The following DCDC1 variants were observed in gnomAD, a reference collection of about 807,000 sequenced individuals.
DCDC1 encodes the protein doublecortin domain-containing protein 1.
Under a neutral mutation model 178.3 loss-of-function variants are expected in DCDC1, and 200 were observed. That is an observed-to-expected ratio of 1.12 (90% confidence interval 1.00 to 1.26). The LOEUF is 1.26. DCDC1 is among the 50% of genes most tolerant of loss of function. The pLI is 0.00. For synonymous variants in DCDC1, 690 were observed against 604.8 expected, an observed-to-expected ratio of 1.14 and a Z score of -2.07; for missense variants, 1,983 against 1,749.2, an observed-to-expected ratio of 1.13 and a Z score of -2.38.
chr11:31,075,435 A>G (rs1956809269), intron 18 of DCDC1, among the ~76,000 whole-genome samples: 1 of 152,070 alleles, frequency 6.6e-6, no homozygotes. Context: ...ATGAAATGGT[A>G]GTTCTATCTT....
At chr11:31,083,552 C>T (rs1957311335) in intron 17 of DCDC1, among the ~76,000 whole-genome samples, 1 of 152,166 alleles carries the variant, frequency 6.6e-6, no homozygotes, top group Non-Finnish European at 1.5e-5. Flanking sequence ...AAGGGGACAT[C>T]ACCACTCAGT....
chr11:31,217,221 G>T (rs1194123161), intron 9 of DCDC1, among the ~76,000 whole-genome samples: 1 of 152,100 alleles, frequency 6.6e-6, no homozygotes, highest in Non-Finnish European at 1.5e-5. Flanking sequence ...GGAAGAAGCA[G>T]GTGCAATGTC....
chr11:31,358,328 G>A (rs1951507419), intron 1 of DCDC1, among the ~76,000 whole-genome samples: 1 of 152,172 alleles, frequency 6.6e-6, no homozygotes, highest in Non-Finnish European at 1.5e-5. Flanking sequence ...AGGAAAACAA[G>A]CAATGGGGAA....
At chr11:30,902,168 T>G (rs1944728778) in intron 32 of DCDC1, among the ~76,000 whole-genome samples, 1 of 152,128 alleles carries the variant, frequency 6.6e-6, no homozygotes, top group South Asian at 2.1e-4. Flanking sequence ...AATGATATTA[T>G]GAGAGATAGA....
intron 16 of DCDC1, among the ~76,000 whole-genome samples, chr11:31,093,306 A>G (rs2135679296): frequency 6.6e-6 from 1 of 152,368 alleles, no homozygotes; most frequent in Admixed American, 6.5e-5. Flanking sequence ...TTGCGAAAAT[A>G]GTGTCAATCT....
intron 20 of DCDC1, among the ~76,000 whole-genome samples, chr11:30,960,834 A>T (rs1055630644): frequency 6.6e-6 from 1 of 152,156 alleles, no homozygotes. Flanking sequence ...AATTTTATTT[A>T]TTTAATATAA....
At chr11:31,196,175 T>C (rs142380919) in intron 9 of DCDC1, among the ~76,000 whole-genome samples, 29 of 152,122 alleles carry the variant, frequency 1.9e-4, no homozygotes, top group African/African-American at 6.3e-4. Flanking sequence ...CTCACAGTTG[T>C]TGTAGTTTGC....
chr11:31,330,098 G>T (rs1949885090), intron 2 of DCDC1, among the ~76,000 whole-genome samples: 1 of 152,096 alleles, frequency 6.6e-6, no homozygotes, highest in East Asian at 1.9e-4. Context: ...CATTCTAACT[G>T]GTGTGAGATG....
rs193201349 is a variant in DCDC1, at chr11:30,955,974, G to A, written c.2592-3406C>T. On this transcript the variant is annotated intron_variant, in intron 20 of 38. Transcript: ENST00000684477. Reference sequence around the variant, plus strand: ...ATGATCAGATCACAATGTGGTTTGGGGAGCAGTACGGATATACTAGGGAGT... The same window carrying A: ...ATGATCAGATCACAATGTGGTTTGGAGAGCAGTACGGATATACTAGGGAGT... Among the ~76,000 whole-genome samples the A allele has an allele frequency of 3.2e-3, 493 of 152,290 alleles. 1 individual carries two copies. Among genetic ancestry groups the A allele is most frequent in the Non-Finnish European group, 5.1e-3 (345 of 68,030 alleles).
At chr11:31,225,088 T>C (rs778152472) in intron 9 of DCDC1, among the ~76,000 whole-genome samples, 1 of 152,028 alleles carries the variant, frequency 6.6e-6, no homozygotes, top group Non-Finnish European at 1.5e-5. Context: ...CAAGTCACAA[T>C]TGCAAAAATA....
intron 38 of DCDC1, among the ~76,000 whole-genome samples, chr11:30,873,387 A>AGAGAGAG (rs1565008354): frequency 6.7e-6 from 1 of 150,256 alleles, no homozygotes. Flanking sequence ...AGAGAGAGAG[A>AGAGAGAG]ACAAACTGGT....
At chr11:31,074,213 G>A (rs777977399) in intron 18 of DCDC1, among the ~76,000 whole-genome samples, 18 of 152,132 alleles carry the variant, frequency 1.2e-4, no homozygotes, top group Non-Finnish European at 1.9e-4. Context: ...ACTGGACATC[G>A]AAGAAGTCAC....
intron 17 of DCDC1, among the ~76,000 whole-genome samples, chr11:31,082,420 G>A: frequency 6.6e-6 from 1 of 152,012 alleles, no homozygotes; most frequent in East Asian, 1.9e-4. Flanking sequence ...TGACTTCCAA[G>A]TGTTCTCATT....
chr11:31,286,621 C>T (rs756020128), intron 7 of DCDC1, among the ~76,000 whole-genome samples: 2 of 151,806 alleles, frequency 1.3e-5, no homozygotes, highest in Non-Finnish European at 2.9e-5. Flanking sequence ...AATGATTTAG[C>T]AGACCAGAAA....
chr11:31,017,465 T>C (rs1952556193), intron 20 of DCDC1, among the ~76,000 whole-genome samples: 1 of 152,148 alleles, frequency 6.6e-6, no homozygotes, highest in Admixed American at 6.5e-5. Flanking sequence ...ATACAAATTA[T>C]GTGTTAATCA....
intron 1 of DCDC1, among the ~76,000 whole-genome samples, chr11:31,360,076 C>T (rs1951629244): frequency 1.3e-5 from 2 of 152,176 alleles, no homozygotes; most frequent in East Asian, 1.9e-4. Flanking sequence ...GTATTTAGGT[C>T]TGCCTCCTGA....
At position 30,905,065 on chromosome 11, in the gene DCDC1, T is replaced by A; in HGVS notation, c.4204A>T (p.Ser1402Cys). 1 of 1,613,836 alleles carries A rather than the reference T, an allele frequency of 6.2e-7. No individual in the cohort carries two copies. Among genetic ancestry groups the A allele is most frequent in the South Asian group, 1.1e-5 (1 of 91,080 alleles). ...MKTCTQAASH[S>C]GMAATHQKAV... ...TTCTGGTGTGTGGCTGCCATGCCAC[T>A]GTGAGATGCAGCTTGCGTGCAGGTC... Residue 1402 changes from serine to cysteine, a missense_variant, in exon 31 of 39, where the codon AGT becomes TGT. Physicochemically the swap from Ser to Cys is moderately radical, Grantham distance 112. Coordinates refer to ENST00000684477, the MANE Select transcript of DCDC1 (RefSeq NM_001387274.1).
At chr11:31,168,235 A>G (rs1399286575) in intron 9 of DCDC1, among the ~76,000 whole-genome samples, 1 of 152,130 alleles carries the variant, frequency 6.6e-6, no homozygotes, top group Non-Finnish European at 1.5e-5. Flanking sequence ...GGATCACACA[A>G]TTAGCACCTC....
In DCDC1 at chr11:31,240,555, T is replaced by C. The variant is rs188559653; in HGVS notation, c.1221+895A>G. Among the ~76,000 whole-genome samples the C allele has an allele frequency of 7.4e-4, 113 of 152,100 alleles. 2 individuals carry two copies. The highest frequency in any genetic ancestry group is 6.0e-3 in the Admixed American group (92 of 15,210). On this transcript the variant is annotated intron_variant, in intron 9 of 38. Transcript: ENST00000684477. The stretch of plus-strand genomic sequence containing the variant: ...ATAGCCCATTCCCACCTCCCCTTCC[T>C]CTCTGCAAGCAGAGAATAATATAGC...
Sources: gnomAD v4.1 joint callset for allele counts (sites outside exome capture counted in the v4.1 genomes callset) on GRCh38, gnomAD v4.1.1 for gene constraint, MANE v1.5 for transcripts, NCBI Gene and HGNC (gene_info 2026-07-23, HGNC 2026-07-21) for gene names.